Variants in IRF2 observed in about 807,000 individuals in gnomAD.
The protein encoded by IRF2 is interferon regulatory factor 2.
In IRF2, 15 loss-of-function variants were observed where a neutral mutation model predicts 40.6. That is an observed-to-expected ratio of 0.37 (90% CI 0.25 to 0.57). The LOEUF (loss-of-function observed/expected upper bound fraction) is 0.57, where lower values mean the gene tolerates loss of function less well. IRF2 is among the 20% of genes least tolerant of loss of function. The pLI is 0.77. For synonymous variants in IRF2, 151 were observed against 165.5 expected (o/e 0.91, Z 0.67); for missense variants, 317 against 455.7 (o/e 0.70, Z 2.77).
At chr4:184,423,546 T>A (rs967028614) in intron 2 of IRF2, among the ~76,000 whole-genome samples, 74 of 152,180 alleles carry the variant, frequency 4.9e-4, no homozygotes, top group African/African-American at 1.7e-3. Flanking sequence ...ACAAGTCTAC[T>A]CTCAAAGTGA....
intron 1 of IRF2, among the ~76,000 whole-genome samples, chr4:184,470,125 G>A (rs948013744): frequency 6.6e-6 from 1 of 152,158 alleles, no homozygotes; most frequent in Admixed American, 6.5e-5. Context: ...AACACAGGGG[G>A]CCGACGGGGC....
At chr4:184,467,761 T>C (rs1739378779) in intron 1 of IRF2, among the ~76,000 whole-genome samples, 2 of 152,368 alleles carry the variant, frequency 1.3e-5, no homozygotes, top group African/African-American at 2.4e-5. Flanking sequence ...TCTCCTTTGA[T>C]GGCATTAGGT....
At chr4:184,446,755 C>T (rs564338321) in intron 1 of IRF2, among the ~76,000 whole-genome samples, 1 of 151,966 alleles carries the variant, frequency 6.6e-6, no homozygotes, top group South Asian at 2.1e-4. Context: ...AGATCGAGAC[C>T]ACCCCGGCTA....
intron 1 of IRF2, among the ~76,000 whole-genome samples, chr4:184,461,691 C>CA (rs1739152947): frequency 6.8e-6 from 1 of 147,950 alleles, no homozygotes; most frequent in Admixed American, 6.8e-5. Flanking sequence ...CCCGCCCCCC[C>CA]ACCGCCCCCC....
chr4:184,395,660 A>G (rs559957461), intron 7 of IRF2, among the ~76,000 whole-genome samples: 2 of 152,332 alleles, frequency 1.3e-5, no homozygotes, highest in African/African-American at 4.8e-5. Flanking sequence ...GAGCTCTAGA[A>G]CATCAGCAGC....
intron 1 of IRF2, among the ~76,000 whole-genome samples, chr4:184,446,038 T>G (rs1738496832): frequency 6.6e-6 from 1 of 152,100 alleles, no homozygotes; most frequent in African/African-American, 2.4e-5. Flanking sequence ...AGGCAGGCAT[T>G]AGAGTGACTC....
chr4:184,474,370 A>C lies in IRF2; in HGVS notation c.-7+9T>G, dbSNP rs1739647958. The C allele has an allele frequency of 6.6e-6, 1 of 152,438 alleles. No individual in the cohort carries two copies. The highest frequency in any genetic ancestry group is 1.5e-5 in the Non-Finnish European group (1 of 68,198). 9.4% of individuals were successfully genotyped at this position (152,438 alleles called of 1,614,324 possible). On this transcript the variant is annotated intron_variant, in intron 1 of 8. Coordinates refer to ENST00000393593, the MANE Select transcript of IRF2 (RefSeq NM_002199.4). This position sits in a 1 kb window ranked among gnomAD's most constrained non-coding sequence, Gnocchi z 5.6. ...CACACAGTCACAACTATTATTTGAA[A>C]AATGTTACCTCTCAGTGTGCTTTTT... is the stretch of plus-strand genomic sequence containing the variant.
At chr4:184,447,501 A>AAAGGCTGGTG (rs1455544054) in intron 1 of IRF2, among the ~76,000 whole-genome samples, 1 of 152,266 alleles carries the variant, frequency 6.6e-6, no homozygotes, top group East Asian at 1.9e-4. Context: ...CCAGTGAGTA[A>AAAGGCTGGTG]AAGGCTGGTG....
intron 6 of IRF2, among the ~76,000 whole-genome samples, chr4:184,402,183 A>C (rs1209506325): frequency 1.3e-5 from 2 of 152,218 alleles, no homozygotes; most frequent in South Asian, 2.1e-4. Context: ...GAGCACTGAA[A>C]AGAAAGAAAA....
rs986919881 is a variant in IRF2 at position 184,413,648 on chromosome 4, G to C, written c.411+4519C>G. On this transcript the variant is annotated intron_variant, in intron 5 of 8. Coordinates refer to ENST00000393593, the MANE Select transcript of IRF2 (RefSeq NM_002199.4). This position sits in a 1 kb window ranked among gnomAD's most constrained non-coding sequence, Gnocchi z 4.2. ...CTACCCATAGGTCTGTGCTCAGAAC[G>C]AATACAGACCAGGCCTAATCTTTTC... Among the ~76,000 whole-genome samples, 1 of 152,182 alleles carries C rather than the reference G, an allele frequency of 6.6e-6. No homozygotes were observed. The highest frequency in any genetic ancestry group is 1.5e-5 in the Non-Finnish European group (1 of 68,042).
chr4:184,445,634 G>A (rs1335872238), intron 1 of IRF2, among the ~76,000 whole-genome samples: 5 of 141,114 alleles, frequency 3.5e-5, no homozygotes, highest in Admixed American at 7.6e-5. Flanking sequence ...CAACCTGGGC[G>A]ACAGAGTGAG....
chr4:184,404,305 CAGG>C (rs1041091664), intron 6 of IRF2, among the ~76,000 whole-genome samples: 2 of 152,182 alleles, frequency 1.3e-5, no homozygotes, highest in African/African-American at 4.8e-5. Context: ...CTGAAAGTTT[CAGG>C]AGTTAAACTT....
At chr4:184,449,689 T>C (rs1738643979) in intron 1 of IRF2, among the ~76,000 whole-genome samples, 1 of 152,268 alleles carries the variant, frequency 6.6e-6, no homozygotes, top group African/African-American at 2.4e-5. Flanking sequence ...CAGTCGGGGA[T>C]ACCTTACCAA....
chr4:184,406,533 GCTA>G (rs907323996), intron 6 of IRF2, among the ~76,000 whole-genome samples: 94 of 152,176 alleles, frequency 6.2e-4, no homozygotes, highest in African/African-American at 2.2e-3. Flanking sequence ...CAGCCTCAGA[GCTA>G]CTTTTTATCT....
At chr4:184,453,472 T>C (rs1738802470) in intron 1 of IRF2, among the ~76,000 whole-genome samples, 1 of 152,248 alleles carries the variant, frequency 6.6e-6, no homozygotes, top group Non-Finnish European at 1.5e-5. Context: ...TGATCCTATA[T>C]TTCCCTTAAT....
chr4:184,456,633 T>A (rs889718355), intron 1 of IRF2, among the ~76,000 whole-genome samples: 1 of 152,226 alleles, frequency 6.6e-6, no homozygotes, highest in African/African-American at 2.4e-5. Flanking sequence ...TGCGGCCCGG[T>A]CCGCCCTCCC....
chr4:184,446,479 G>T (rs1738513007), intron 1 of IRF2, among the ~76,000 whole-genome samples: 1 of 152,156 alleles, frequency 6.6e-6, no homozygotes, highest in Non-Finnish European at 1.5e-5. Flanking sequence ...CATTGTGGTG[G>T]GGCAACCGTG....
intron 6 of IRF2, among the ~76,000 whole-genome samples, chr4:184,402,217 G>A (rs964301942): frequency 7.2e-5 from 11 of 152,210 alleles, no homozygotes; most frequent in African/African-American, 1.4e-4. Context: ...GCCATACAAT[G>A]GAAGCTAGAG....
At chr4:184,459,552 A>G (rs1739058112) in intron 1 of IRF2, among the ~76,000 whole-genome samples, 1 of 152,238 alleles carries the variant, frequency 6.6e-6, no homozygotes. Context: ...AAATTCTAAA[A>G]CAGAACTTTT....
Sources: gnomAD v4.1 joint callset for allele counts (sites outside exome capture counted in the v4.1 genomes callset) on GRCh38, gnomAD v4.1.1 for gene constraint, Gnocchi (gnomAD v3.1) non-coding constraint, MANE v1.5 for transcripts, NCBI Gene and HGNC (gene_info 2026-07-23, HGNC 2026-07-21) for gene names.